The following COL13A1 variants were observed in gnomAD, a reference collection of about 807,000 sequenced individuals.
The protein encoded by COL13A1 is collagen alpha-1(XIII) chain.
Under a neutral mutation model 130.9 loss-of-function variants are expected in COL13A1, and 89 were observed. The observed-to-expected ratio is 0.68, with a 90% CI of 0.57 to 0.81. COL13A1 has a LOEUF of 0.81. Ranked by LOEUF, COL13A1 falls within the 30% of genes least tolerant of loss-of-function variation. The pLI is 0.00. For synonymous variants in COL13A1, 402 were observed against 341.6 expected (o/e 1.18, Z -1.95); for missense variants, 879 against 934.6 (o/e 0.94, Z 0.78).
At chr10:69,902,643 C>G in intron 14 of COL13A1, 105 bp from the exon 15 acceptor site, 4 of 882,498 alleles carry the variant, frequency 4.5e-6, no homozygotes, top group Non-Finnish European at 6.8e-6. Context: ...CACTCCTTCC[C>G]GGCAGAAATC....
chr10:69,818,013 T>C (rs577098066), intron 1 of COL13A1, among the ~76,000 whole-genome samples: 119 of 152,246 alleles, frequency 7.8e-4, no homozygotes, highest in African/African-American at 2.8e-3. Context: ...CTTTGCCTGC[T>C]CAGATGCCTC....
chr10:69,936,731 G>T (rs747063450), intron 32 of COL13A1, 25 bp from the exon 33 acceptor site: 76 of 1,613,630 alleles, frequency 4.7e-5, no homozygotes, highest in Non-Finnish European at 5.8e-5. Flanking sequence ...CAGTTCTAAT[G>T]CACCTTGCTT....
chr10:69,902,809 G>A lies in COL13A1; in HGVS notation c.812G>A (p.Ser271Asn), dbSNP rs2062344230. 6.4e-7 allele frequency: 1 copy of A among 1,551,170 alleles called. No individual in the cohort carries two copies. Among genetic ancestry groups the A allele is most frequent in the African/African-American group, 1.4e-5 (1 of 73,190 alleles). Residue 271 changes from serine to asparagine, a missense_variant, in exon 15 of 41, where the codon AGT becomes AAT. Around this residue, in one of 3 missense-constraint regions of COL13A1, gnomAD observed 715 missense variants for 721.0 expected, o/e 0.99. Coordinates refer to ENST00000645393, the MANE Select transcript of COL13A1 (RefSeq NM_001368882.1). ...GGGCCCCCAGGCCCCCCTGGACCAAGTGGACCTCTGGGGCACCCAGGACTG... is the reference window on the plus strand; with the variant it reads ...GGGCCCCCAGGCCCCCCTGGACCAAATGGACCTCTGGGGCACCCAGGACTG... The part of the protein sequence containing the change: ...PPGPPGPPGP[S>N]GPLGHPGLPG...
intron 10 of COL13A1, among the ~76,000 whole-genome samples, chr10:69,892,954 C>T (rs2061326828): frequency 6.6e-6 from 1 of 152,214 alleles, no homozygotes; most frequent in Non-Finnish European, 1.5e-5. Context: ...GCCCCTCCCC[C>T]ATCACACTTA....
At chr10:69,948,453 G>T (rs1350715516) in intron 38 of COL13A1, among the ~76,000 whole-genome samples, 1 of 152,102 alleles carries the variant, frequency 6.6e-6, no homozygotes, top group African/African-American at 2.4e-5. Flanking sequence ...AAACAAGAGG[G>T]AGCAGCAGCG....
chr10:69,821,032 C>T (rs1845944696), intron 1 of COL13A1, among the ~76,000 whole-genome samples: 1 of 152,206 alleles, frequency 6.6e-6, no homozygotes, highest in Non-Finnish European at 1.5e-5. Context: ...GGCAAAATTT[C>T]ACAGTAGTGA....
chr10:69,950,374 G>T, intron 38 of COL13A1, among the ~76,000 whole-genome samples: 1 of 152,170 alleles, frequency 6.6e-6, no homozygotes, highest in East Asian at 1.9e-4. Context: ...CGGATTTGGG[G>T]CAATTGCACA....
chr10:69,926,457 G>A (rs190977765), intron 26 of COL13A1, among the ~76,000 whole-genome samples: 113 of 152,276 alleles, frequency 7.4e-4, no homozygotes, highest in African/African-American at 2.0e-3. Flanking sequence ...AGTAGCACCC[G>A]AGCCTCAGCT....
At chr10:69,951,853 G>A (rs868183463) in intron 38 of COL13A1, among the ~76,000 whole-genome samples, 10 of 152,150 alleles carry the variant, frequency 6.6e-5, no homozygotes, top group Non-Finnish European at 1.2e-4. Context: ...GTCCCCAAGC[G>A]TTAGATAATC....
At chr10:69,953,277 T>C (rs1156798526) in intron 39 of COL13A1, among the ~76,000 whole-genome samples, 1 of 152,210 alleles carries the variant, frequency 6.6e-6, no homozygotes, top group Non-Finnish European at 1.5e-5. Context: ...AGCTCTTAGC[T>C]CCAGGATGGC....
At chr10:69,874,140 A>T (rs2059358490) in intron 4 of COL13A1, among the ~76,000 whole-genome samples, 1 of 152,190 alleles carries the variant, frequency 6.6e-6, no homozygotes, top group Non-Finnish European at 1.5e-5. Context: ...GTTGGTCTTG[A>T]CCTTATGTGT....
intron 32 of COL13A1, 69 bp from the exon 33 acceptor site, chr10:69,936,687 T>C: frequency 2.8e-5 from 45 of 1,587,110 alleles, no homozygotes; most frequent in Non-Finnish European, 3.9e-5. Context: ...CTGTGATCCA[T>C]TTGTGGACTA....
chr10:69,886,535 A>G (rs2060608405), intron 7 of COL13A1, among the ~76,000 whole-genome samples: 1 of 152,232 alleles, frequency 6.6e-6, no homozygotes, highest in Non-Finnish European at 1.5e-5. Flanking sequence ...AGCATGGAAT[A>G]GATGGAAAGA....
chr10:69,911,656 A>T (rs1386746416), intron 17 of COL13A1, among the ~76,000 whole-genome samples: 1 of 152,228 alleles, frequency 6.6e-6, no homozygotes, highest in Non-Finnish European at 1.5e-5. Flanking sequence ...CTTGTAAGAG[A>T]AGGCTGGATT....
At chr10:69,838,797 T>C (rs1850795584) in intron 2 of COL13A1, among the ~76,000 whole-genome samples, 1 of 152,138 alleles carries the variant, frequency 6.6e-6, no homozygotes, top group Non-Finnish European at 1.5e-5. Context: ...CCTTGGGAAA[T>C]GGGGTGAGGC....
intron 2 of COL13A1, chr10:69,829,140 ACAC>A (rs1472011283): frequency 1.4e-6 from 1 of 739,852 alleles, no homozygotes. Flanking sequence ...TTCAGGCTGA[ACAC>A]CACCATTTCC....
At position 69,898,765 on chromosome 10, in the gene COL13A1, A is replaced by T; in HGVS notation, c.750+3A>T. The T allele has an allele frequency of 3.1e-6, 5 of 1,611,714 alleles. No individual in the cohort carries two copies. Among genetic ancestry groups the T allele is most frequent in the Non-Finnish European group, 3.4e-6 (4 of 1,178,510 alleles). ...TCATAAAAAGGCGGACGTTCCAGGT[A>T]GACACCTCCCGTTTGTCCAGACCAT... On this transcript the variant is annotated splice_donor_region_variant and intron_variant, in intron 14 of 40. Coordinates refer to ENST00000645393, the MANE Select transcript of COL13A1 (RefSeq NM_001368882.1).
chr10:69,932,382 C>T (rs1356585614), intron 30 of COL13A1, among the ~76,000 whole-genome samples, 178 bp from the exon 31 acceptor site: 1 of 152,180 alleles, frequency 6.6e-6, no homozygotes, highest in African/African-American at 2.4e-5. Context: ...CCTCTCCTCC[C>T]CTGTACTAGA....
At chr10:69,942,159 G>A (rs2067729269) in intron 35 of COL13A1, among the ~76,000 whole-genome samples, 1 of 152,194 alleles carries the variant, frequency 6.6e-6, no homozygotes, top group African/African-American at 2.4e-5. Flanking sequence ...GGAGGGTCAA[G>A]ATAGACCTCT....
Sources: allele counts gnomAD v4.1 joint callset (sites outside exome capture counted in the v4.1 genomes callset), GRCh38; gene constraint gnomAD v4.1.1; regional missense constraint gnomAD v4.1.1; transcripts MANE v1.5; gene names NCBI Gene and HGNC (gene_info 2026-07-23, HGNC 2026-07-21).